Variants in NREP observed in about 807,000 individuals in gnomAD.
NREP encodes the protein neuronal regeneration related protein.
NREP carries 5 observed loss-of-function variants against 8.6 expected under a neutral mutation model. That is an observed-to-expected ratio of 0.58 (90% CI 0.30 to 1.22). The LOEUF (loss-of-function observed/expected upper bound fraction) is 1.22. Among genes scored for constraint, NREP ranks in the 50% most tolerant of loss-of-function variants. The pLI is 0.07. For missense variants in NREP, 86 were observed against 82.5 expected, an observed-to-expected ratio of 1.04 and a Z score of -0.17; for synonymous variants, 27 against 28.0, an observed-to-expected ratio of 0.96 and a Z score of 0.11.
intron 2 of NREP, among the ~76,000 whole-genome samples, chr5:111,750,939 T>C (rs1216749760): frequency 6.6e-6 from 1 of 152,200 alleles, no homozygotes; most frequent in Non-Finnish European, 1.5e-5. Flanking sequence ...TTTTATCCCT[T>C]TAATAATGGA....
chr5:111,739,979 G>A (rs185398269), intron 2 of NREP, among the ~76,000 whole-genome samples: 41 of 150,746 alleles, frequency 2.7e-4, no homozygotes, highest in Non-Finnish European at 4.7e-4. Flanking sequence ...AAAGCAAATC[G>A]TACCTTCAAC....
At chr5:111,804,376 C>T (rs905112758) in intron 2 of NREP, among the ~76,000 whole-genome samples, 6 of 152,118 alleles carry the variant, frequency 3.9e-5, no homozygotes, top group African/African-American at 1.4e-4. Flanking sequence ...ACTGCAAATA[C>T]ATCAGTGATC....
chr5:111,881,218 T>G lies in NREP; in HGVS notation c.135+94056A>C, dbSNP rs146006556. On this transcript the variant is annotated intron_variant, in intron 2 of 3. Coordinates refer to the NREP transcript ENST00000395634. ...GGGTCCTACACCCACGGAGTCTCCC[T>G]GATTGCTAGCACAGCAGTCTGAGAT... 7.5e-3 allele frequency among the ~76,000 whole-genome samples: 1,149 copies of G among 152,324 alleles called. 22 individuals are homozygous for G. The highest frequency in any genetic ancestry group is 0.027 in the African/African-American group (1,105 of 41,570).
intron 2 of NREP, chr5:111,969,628 T>C (rs1756745470): frequency 6.6e-6 from 1 of 152,198 alleles, no homozygotes; most frequent in South Asian, 2.1e-4. Context: ...AAAAGTTCAA[T>C]GTACAATGGG....
chr5:111,826,199 C>T (rs186331128), intron 2 of NREP, among the ~76,000 whole-genome samples: 28 of 152,164 alleles, frequency 1.8e-4, no homozygotes, highest in Admixed American at 5.2e-4. Flanking sequence ...GGTTCGTAAA[C>T]GCACCAATCA....
intron 2 of NREP, among the ~76,000 whole-genome samples, chr5:111,885,376 A>G (rs1754213727): frequency 1.3e-5 from 2 of 152,054 alleles, no homozygotes; most frequent in Non-Finnish European, 2.9e-5. Context: ...GGAAGAATCA[A>G]TATCGTGAAA....
intron 2 of NREP, among the ~76,000 whole-genome samples, chr5:111,860,969 GC>G (rs1753530438): frequency 1.3e-5 from 2 of 152,066 alleles, no homozygotes; most frequent in African/African-American, 4.8e-5. Flanking sequence ...GTCTACTTCT[GC>G]CACAAAGCTT....
intron 2 of NREP, among the ~76,000 whole-genome samples, chr5:111,975,044 C>G (rs1418214150): frequency 1.3e-5 from 2 of 152,210 alleles, no homozygotes; most frequent in African/African-American, 4.8e-5. Context: ...GTAAGGATTG[C>G]ACTTCCACAG....
chr5:111,734,839 A>G lies in NREP; in HGVS notation c.81+591T>C, dbSNP rs184683318. 5.7e-6 allele frequency: 3 copies of G among 530,964 alleles called. No individual in the cohort carries two copies. In the Admixed American group the frequency reaches 9.7e-5, roughly 17 times the overall value. 32.9% of individuals were successfully genotyped at this position (530,964 alleles called of 1,614,324 possible). A position where few individuals can be genotyped will look rare whatever the true frequency, so the allele number is the denominator to read the frequency against. ...AGAGGCAAAGTCCAGTATCTACAGT[A>G]AAAACTGGTAAGTAGTTGTTATTGT... On this transcript the variant is annotated intron_variant, in intron 3 of 3. Coordinates refer to ENST00000257435, the MANE Select transcript of NREP (RefSeq NM_004772.4).
At chr5:111,894,076 A>G (rs1754453477) in intron 2 of NREP, among the ~76,000 whole-genome samples, 2 of 151,942 alleles carry the variant, frequency 1.3e-5, no homozygotes, top group Admixed American at 6.6e-5. Context: ...AAAATTAGCC[A>G]GGCATGGTGG....
At chr5:111,807,689 T>C (rs1752172458) in intron 2 of NREP, among the ~76,000 whole-genome samples, 1 of 152,140 alleles carries the variant, frequency 6.6e-6, no homozygotes, top group Non-Finnish European at 1.5e-5. Context: ...CAGGGACAAT[T>C]TGCAAACATT....
intron 2 of NREP, 82 bp from the exon 3 acceptor site, chr5:111,735,589 A>C: frequency 3.4e-5 from 31 of 916,760 alleles, no homozygotes; most frequent in Middle Eastern, 2.2e-4. Flanking sequence ...TAATGAGCTC[A>C]ATTCTCCTCA....
intron 2 of NREP, among the ~76,000 whole-genome samples, chr5:111,809,870 C>CGT (rs3223253): frequency 0.14 from 20,099 of 143,642 alleles, 1,503 homozygotes; most frequent in Middle Eastern, 0.19. Flanking sequence ...GGGACTTTGG[C>CGT]GTGTGTGTGT....
At chr5:111,923,884 T>C (rs1755313681) in intron 2 of NREP, among the ~76,000 whole-genome samples, 1 of 152,062 alleles carries the variant, frequency 6.6e-6, no homozygotes, top group Non-Finnish European at 1.5e-5. Context: ...GGATCCCAAA[T>C]CAAGGTGGTT....
intron 2 of NREP, among the ~76,000 whole-genome samples, chr5:111,924,944 G>A (rs964687958): frequency 6.6e-6 from 1 of 152,100 alleles, no homozygotes; most frequent in Non-Finnish European, 1.5e-5. Flanking sequence ...AAGGGAGTGG[G>A]ACTTTCAGGC....
At chr5:111,767,733 A>G (rs927891655) in intron 2 of NREP, among the ~76,000 whole-genome samples, 1 of 152,068 alleles carries the variant, frequency 6.6e-6, no homozygotes, top group Admixed American at 6.6e-5. Context: ...TGGCACAATC[A>G]CAGCTCACTA....
intron 2 of NREP, among the ~76,000 whole-genome samples, chr5:111,769,320 T>G (rs561733613): frequency 1.4e-4 from 21 of 152,332 alleles, no homozygotes; most frequent in Non-Finnish European, 1.3e-4. Context: ...ACTGTCCTAA[T>G]GGAACTTAAT....
intron 2 of NREP, among the ~76,000 whole-genome samples, chr5:111,954,826 T>C (rs1466272187): frequency 2.0e-5 from 3 of 152,168 alleles, no homozygotes; most frequent in African/African-American, 7.2e-5. Context: ...AACAGTTTAT[T>C]AAAAGTCTTT....
chr5:111,754,004 C>T (rs981465975), intron 2 of NREP, among the ~76,000 whole-genome samples: 10 of 152,070 alleles, frequency 6.6e-5, no homozygotes, highest in Non-Finnish European at 8.8e-5. Flanking sequence ...CACCCACAGA[C>T]AATAACTGTC....
Sources: allele counts gnomAD v4.1 joint callset (sites outside exome capture counted in the v4.1 genomes callset), GRCh38; gene constraint gnomAD v4.1.1; transcripts MANE v1.5; gene names NCBI Gene and HGNC (gene_info 2026-07-23, HGNC 2026-07-21).